The following RGS6 variants were observed in gnomAD, a reference collection of about 807,000 sequenced individuals.
RGS6 encodes regulator of G-protein signaling 6.
A neutral mutation model predicts 78.5 loss-of-function variants in RGS6; 30 were observed. That is an observed-to-expected ratio of 0.38 (90% confidence interval 0.29 to 0.52). The LOEUF is 0.52. RGS6 is among the 20% of genes least tolerant of loss of function. The pLI, the probability that RGS6 is intolerant of heterozygous loss-of-function variation, is 0.85. For synonymous variants in RGS6, 206 were observed against 206.0 expected (o/e 1.00, Z 0.00); for missense variants, 495 against 609.7 (o/e 0.81, Z 1.98).
chr14:71,968,689 A>G (rs1051217949), intron 2 of RGS6, among the ~76,000 whole-genome samples: 2 of 152,174 alleles, frequency 1.3e-5, no homozygotes, highest in African/African-American at 4.8e-5. Flanking sequence ...CATGTTATCA[A>G]CCACAGACTA....
At chr14:72,605,750 T>C in the RGS6 span, among the ~76,000 whole-genome samples, 1 of 152,114 alleles carries the variant, frequency 6.6e-6, no homozygotes, top group Admixed American at 6.5e-5. Flanking sequence ...CAAGTGGAGA[T>C]CAGACCCCCT....
chr14:72,546,388 C>A (rs898744297), intron 17 of RGS6, among the ~76,000 whole-genome samples: 1 of 152,176 alleles, frequency 6.6e-6, no homozygotes, highest in Non-Finnish European at 1.5e-5. Context: ...CAAAGTGGCT[C>A]CTCACGGGGT....
chr14:72,495,301 A>G lies in RGS6; in HGVS notation c.965+39A>G, dbSNP rs749250527. 11 of 1,251,764 alleles carry G rather than the reference A, an allele frequency of 8.8e-6. No homozygotes were observed. In the South Asian group the frequency reaches 1.2e-4, roughly 14 times the overall value. 77.5% of individuals were successfully genotyped at this position (1,251,764 alleles called of 1,614,324 possible). On this transcript the variant is annotated intron_variant, in intron 13 of 17. Transcript: ENST00000553525. ...TAAGGTTTGGGAGTGGGATGAATGTAGACAAAAATCCATGAGATCATGAGA... is the reference window on the plus strand; with the variant it reads ...TAAGGTTTGGGAGTGGGATGAATGTGGACAAAAATCCATGAGATCATGAGA...
intron 3 of RGS6, among the ~76,000 whole-genome samples, chr14:72,443,904 A>C: frequency 6.6e-6 from 1 of 152,184 alleles, no homozygotes. Context: ...GGGAACAGAA[A>C]CGATGTCCAC....
chr14:71,882,814 T>C, the RGS6 span, among the ~76,000 whole-genome samples: 1 of 152,242 alleles, frequency 6.6e-6, no homozygotes, highest in Admixed American at 6.5e-5. Flanking sequence ...CATCTTTGTT[T>C]ATATCTTGCT....
intron 2 of RGS6, among the ~76,000 whole-genome samples, chr14:72,340,890 G>A (rs1349474711): frequency 1.3e-5 from 2 of 152,174 alleles, no homozygotes; most frequent in African/African-American, 4.8e-5. Context: ...CCTCCAGAAA[G>A]TTATGTTCCA....
chr14:72,409,580 A>G (rs2093234624), intron 3 of RGS6, among the ~76,000 whole-genome samples: 1 of 151,988 alleles, frequency 6.6e-6, no homozygotes, highest in African/African-American at 2.4e-5. Flanking sequence ...TATTATTATT[A>G]TACTTTAAGT....
intron 2 of RGS6, among the ~76,000 whole-genome samples, chr14:72,028,183 C>G (rs1035862814): frequency 6.6e-6 from 1 of 152,208 alleles, no homozygotes; most frequent in Non-Finnish European, 1.5e-5. Flanking sequence ...TCTTTTTCAT[C>G]AATCTCAACT....
chr14:72,488,531 G>A (rs955859507), intron 12 of RGS6, among the ~76,000 whole-genome samples: 1 of 152,170 alleles, frequency 6.6e-6, no homozygotes, highest in East Asian at 1.9e-4. Flanking sequence ...AAAGAGATCT[G>A]GCTATGAGCC....
intron 13 of RGS6, among the ~76,000 whole-genome samples, chr14:72,505,183 A>G (rs1418131427): frequency 2.6e-5 from 4 of 152,024 alleles, no homozygotes; most frequent in African/African-American, 9.7e-5. Flanking sequence ...CTTCCCACTC[A>G]CAGTACGAAC....
chr14:72,085,762 G>A (rs2095006717), intron 2 of RGS6, among the ~76,000 whole-genome samples: 2 of 147,648 alleles, frequency 1.4e-5, no homozygotes, highest in South Asian at 2.1e-4. Flanking sequence ...GCTGAGGCAG[G>A]AGAATCGCTT....
intron 2 of RGS6, among the ~76,000 whole-genome samples, chr14:72,005,439 CTCTATCTA>C (rs148163713): frequency 7.0e-6 from 1 of 143,512 alleles, no homozygotes; most frequent in South Asian, 2.2e-4. Flanking sequence ...ACCTGCATAT[CTCTATCTA>C]TCTATCTATC....
At chr14:72,176,614 C>T (rs74956725) in intron 2 of RGS6, among the ~76,000 whole-genome samples, 5,847 of 152,166 alleles carry the variant, frequency 0.038, 141 homozygotes, top group Middle Eastern at 0.054. Flanking sequence ...GGAGTCCAGT[C>T]GGCTTGGAAG....
the RGS6 span, among the ~76,000 whole-genome samples, chr14:72,607,931 G>A: frequency 3.3e-5 from 5 of 152,202 alleles, no homozygotes; most frequent in South Asian, 2.1e-4. Flanking sequence ...GGCTGAAGGC[G>A]CATGGATGAC....
intron 2 of RGS6, among the ~76,000 whole-genome samples, chr14:72,009,041 T>G (rs1013919699): frequency 2.0e-5 from 3 of 152,020 alleles, no homozygotes; most frequent in African/African-American, 4.8e-5. Flanking sequence ...AGGCAGAGGG[T>G]GTGTAATGAG....
the RGS6 span, among the ~76,000 whole-genome samples, chr14:71,905,042 G>A: frequency 6.6e-6 from 1 of 152,066 alleles, no homozygotes; most frequent in Non-Finnish European, 1.5e-5. Context: ...AACACTCTTA[G>A]CTGGTTCTGT....
At chr14:72,247,377 T>C (rs2054496643) in intron 2 of RGS6, among the ~76,000 whole-genome samples, 1 of 152,242 alleles carries the variant, frequency 6.6e-6, no homozygotes, top group Non-Finnish European at 1.5e-5. Flanking sequence ...ACAGCTCTTC[T>C]ACTCCTGCAA....
intron 3 of RGS6, among the ~76,000 whole-genome samples, chr14:72,391,653 G>T (rs1023108609): frequency 1.3e-5 from 2 of 152,146 alleles, no homozygotes; most frequent in East Asian, 1.9e-4. Flanking sequence ...CAACGTGCAG[G>T]TTTGTTACAT....
chr14:72,043,898 G>A (rs1237749847), intron 2 of RGS6, among the ~76,000 whole-genome samples: 4 of 152,156 alleles, frequency 2.6e-5, no homozygotes, highest in South Asian at 2.1e-4. Context: ...TTGGAAGGTC[G>A]CTGCTGCTGT....
Sources: allele counts gnomAD v4.1 joint callset (sites outside exome capture counted in the v4.1 genomes callset), GRCh38; gene constraint gnomAD v4.1.1; transcripts MANE v1.5; gene names NCBI Gene and HGNC (gene_info 2026-07-23, HGNC 2026-07-21).